The following ZBTB20 variants were observed in gnomAD, a reference collection of about 807,000 sequenced individuals.
The protein encoded by ZBTB20 is zinc finger and BTB domain-containing protein 20.
A neutral mutation model predicts 56.9 loss-of-function variants in ZBTB20; 9 were observed. The ratio of observed to expected loss-of-function variants is 0.16; its 90% CI spans 0.10 to 0.28. The LOEUF (loss-of-function observed/expected upper bound fraction) is 0.28, where lower values mean the gene tolerates loss of function less well. Ranked by LOEUF, ZBTB20 falls within the 10% of genes least tolerant of loss-of-function variation. ZBTB20 has a pLI of 1.00. For synonymous variants in ZBTB20, 417 were observed against 420.7 expected (o/e 0.99, Z 0.11); for missense variants, 655 against 1,003.0 (o/e 0.65, Z 4.69).
chr3:115,092,240 A>T (rs2083224856), intron 1 of ZBTB20, among the ~76,000 whole-genome samples: 1 of 151,986 alleles, frequency 6.6e-6, no homozygotes, highest in Non-Finnish European at 1.5e-5. Flanking sequence ...ATTTTTTGCA[A>T]ATGTCCTGTT....
At chr3:114,859,876 T>G (rs1440091940) in intron 4 of ZBTB20, among the ~76,000 whole-genome samples, 2 of 152,208 alleles carry the variant, frequency 1.3e-5, no homozygotes, top group Non-Finnish European at 2.9e-5. Context: ...ATATATAGGT[T>G]GAAATCTGAG....
At chr3:114,978,603 A>G (rs1271055376) in intron 2 of ZBTB20, among the ~76,000 whole-genome samples, 1 of 151,774 alleles carries the variant, frequency 6.6e-6, no homozygotes, top group Non-Finnish European at 1.5e-5. Context: ...TCTATATAAT[A>G]TAAATACAGA....
chr3:114,489,904 T>C (rs1408483374), intron 7 of ZBTB20, among the ~76,000 whole-genome samples: 1 of 152,188 alleles, frequency 6.6e-6, no homozygotes, highest in Non-Finnish European at 1.5e-5. Context: ...TAAGCTATCA[T>C]TTTATAATGC....
chr3:114,534,710 C>T (rs1439812154), intron 6 of ZBTB20, among the ~76,000 whole-genome samples: 1 of 152,188 alleles, frequency 6.6e-6, no homozygotes, highest in African/African-American at 2.4e-5. Context: ...CCATATCACA[C>T]TTACTCTAAA....
chr3:114,785,611 G>T (rs1053865786), intron 5 of ZBTB20, among the ~76,000 whole-genome samples: 4 of 152,066 alleles, frequency 2.6e-5, no homozygotes, highest in African/African-American at 7.2e-5. Flanking sequence ...GTGTTTTGGA[G>T]TAGTTTTCAG....
intron 6 of ZBTB20, among the ~76,000 whole-genome samples, chr3:114,669,365 G>C (rs1488627402): frequency 6.6e-6 from 1 of 151,998 alleles, no homozygotes; most frequent in Non-Finnish European, 1.5e-5. Context: ...AGTTAAAGAA[G>C]ACACCTTAGA....
At chr3:114,800,487 C>T (rs1237969408) in intron 5 of ZBTB20, among the ~76,000 whole-genome samples, 2 of 151,810 alleles carry the variant, frequency 1.3e-5, no homozygotes, top group Non-Finnish European at 2.9e-5. Context: ...TGAGAGACAG[C>T]CTTGTAGCTC....
chr3:114,745,248 C>T (rs2066940225), intron 5 of ZBTB20, among the ~76,000 whole-genome samples: 1 of 152,130 alleles, frequency 6.6e-6, no homozygotes, highest in African/African-American at 2.4e-5. Flanking sequence ...CCAGACCCGT[C>T]CAACAGTTCC....
intron 5 of ZBTB20, among the ~76,000 whole-genome samples, chr3:114,779,626 A>T (rs2069906522): frequency 6.6e-6 from 1 of 152,328 alleles, no homozygotes. Context: ...ACAGATTATG[A>T]TCCTGAAAGC....
intron 2 of ZBTB20, among the ~76,000 whole-genome samples, chr3:114,991,986 G>C (rs749760652): frequency 6.6e-6 from 1 of 151,698 alleles, no homozygotes. Context: ...TTTATTTTGA[G>C]CCTATGTGTC....
chr3:114,521,746 G>A (rs2046661451), intron 6 of ZBTB20, among the ~76,000 whole-genome samples: 1 of 152,130 alleles, frequency 6.6e-6, no homozygotes, highest in African/African-American at 2.4e-5. Flanking sequence ...GCTGCTTTGG[G>A]TGCTGAACAG....
intron 2 of ZBTB20, among the ~76,000 whole-genome samples, chr3:115,052,052 G>A (rs540691125): frequency 1.3e-5 from 2 of 152,092 alleles, no homozygotes; most frequent in East Asian, 1.9e-4. Context: ...CCCAACATTG[G>A]GGATTAAAAT....
intron 3 of ZBTB20, among the ~76,000 whole-genome samples, chr3:114,936,664 T>C (rs1480408812): frequency 6.6e-6 from 1 of 152,160 alleles, no homozygotes. Flanking sequence ...ATGAAGGTAA[T>C]AGAAATTTTA....
chr3:115,078,613 GTATATA>G (rs3086037), intron 1 of ZBTB20, among the ~76,000 whole-genome samples: 8 of 137,826 alleles, frequency 5.8e-5, no homozygotes, highest in Admixed American at 1.4e-4. Flanking sequence ...GTGTGTGTGT[GTATATA>G]TATATATATA....
intron 1 of ZBTB20, among the ~76,000 whole-genome samples, chr3:115,075,592 T>C (rs1294641298): frequency 6.6e-6 from 1 of 152,158 alleles, no homozygotes; most frequent in Admixed American, 6.5e-5. Context: ...CCGATTTCAA[T>C]TCCTTTAGAT....
chr3:114,637,963 C>T (rs554295773), intron 6 of ZBTB20, among the ~76,000 whole-genome samples: 1 of 152,174 alleles, frequency 6.6e-6, no homozygotes, highest in Non-Finnish European at 1.5e-5. Flanking sequence ...TGGAAGTGGA[C>T]ACTATTCCCT....
At chr3:114,892,217 T>G (rs1466857640) in intron 4 of ZBTB20, among the ~76,000 whole-genome samples, 1 of 152,236 alleles carries the variant, frequency 6.6e-6, no homozygotes, top group African/African-American at 2.4e-5. Flanking sequence ...TAGCTCCATT[T>G]TACATTCCGT....
intron 7 of ZBTB20, among the ~76,000 whole-genome samples, chr3:114,471,957 G>C (rs1370334659): frequency 6.6e-6 from 1 of 152,146 alleles, no homozygotes; most frequent in Non-Finnish European, 1.5e-5. Flanking sequence ...ATGGATAACT[G>C]TGGAACTGAA....
intron 7 of ZBTB20, among the ~76,000 whole-genome samples, chr3:114,469,676 C>T (rs1340576356): frequency 1.3e-5 from 2 of 152,162 alleles, no homozygotes; most frequent in East Asian, 1.9e-4. Context: ...CAAGTTTTGG[C>T]TGGCCACAGA....
Sources: allele counts gnomAD v4.1 joint callset (sites outside exome capture counted in the v4.1 genomes callset), GRCh38; gene constraint gnomAD v4.1.1; transcripts MANE v1.5; gene names NCBI Gene and HGNC (gene_info 2026-07-23, HGNC 2026-07-21).